CACNA1E: variants seen among roughly 807,000 people sequenced by gnomAD.
The protein encoded by CACNA1E is calcium voltage-gated channel subunit alpha1 E.
Under a neutral mutation model 259.2 loss-of-function variants are expected in CACNA1E, and 40 were observed. The ratio of observed to expected loss-of-function variants is 0.15; its 90% CI spans 0.12 to 0.20. The LOEUF (loss-of-function observed/expected upper bound fraction) is 0.20. Ranked by LOEUF, CACNA1E falls within the 10% of genes least tolerant of loss-of-function variation. The pLI, the probability that CACNA1E is intolerant of heterozygous loss-of-function variation, is 1.00. For missense variants in CACNA1E, 1,874 were observed against 3,040.1 expected, an observed-to-expected ratio of 0.62 and a Z score of 9.02; for synonymous variants, 1,104 against 1,138.5, an observed-to-expected ratio of 0.97 and a Z score of 0.61.
intron 6 of CACNA1E, among the ~76,000 whole-genome samples, chr1:181,621,189 G>A (rs2103167512): frequency 6.6e-6 from 1 of 152,352 alleles, no homozygotes; most frequent in Middle Eastern, 3.4e-3. Flanking sequence ...GTGAGGCCTT[G>A]AATGTCAAAC....
At chr1:181,597,789 T>C (rs1293402921) in intron 6 of CACNA1E, among the ~76,000 whole-genome samples, 2 of 152,216 alleles carry the variant, frequency 1.3e-5, no homozygotes, top group Non-Finnish European at 2.9e-5. Flanking sequence ...TTTATGCAGA[T>C]GGCAGCAGGC....
intron 3 of CACNA1E, among the ~76,000 whole-genome samples, chr1:181,559,819 A>G (rs1427967278): frequency 6.6e-6 from 1 of 152,136 alleles, no homozygotes; most frequent in African/African-American, 2.4e-5. Flanking sequence ...GATGCAGGGA[A>G]GAGCTGTGTC....
At chr1:181,762,688 G>A (rs1205053467) in intron 33 of CACNA1E, 31 bp downstream of exon 33, 1 of 1,374,850 alleles carries the variant, frequency 7.3e-7, no homozygotes, top group East Asian at 2.3e-5. Context: ...ATGTCTGTAA[G>A]CTTGGCCCTG....
At chr1:181,541,586 T>C (rs1668586421) in intron 3 of CACNA1E, among the ~76,000 whole-genome samples, 2 of 152,210 alleles carry the variant, frequency 1.3e-5, no homozygotes, top group South Asian at 4.1e-4. Context: ...TCCAGTCCTA[T>C]GTTCTGAAAG....
At chr1:181,472,718 C>T (rs1430734300) in intron 2 of CACNA1E, among the ~76,000 whole-genome samples, 4 of 152,148 alleles carry the variant, frequency 2.6e-5, no homozygotes, top group African/African-American at 4.8e-5. Context: ...TAGATGCACG[C>T]GTGCGTGTGT....
intron 1 of CACNA1E, among the ~76,000 whole-genome samples, chr1:181,502,028 A>G (rs972578895): frequency 6.6e-6 from 1 of 152,176 alleles, no homozygotes; most frequent in Non-Finnish European, 1.5e-5. Context: ...AGTATGGAGT[A>G]GGCAGAGCCT....
At chr1:181,424,921 T>C (rs760896816) in intron 2 of CACNA1E, among the ~76,000 whole-genome samples, 5 of 152,130 alleles carry the variant, frequency 3.3e-5, no homozygotes, top group Non-Finnish European at 7.4e-5. Context: ...GCCCTTGCGC[T>C]GGGCTGCCTC....
chr1:181,341,568 C>A (rs1320524814), intron 1 of CACNA1E, among the ~76,000 whole-genome samples: 5 of 152,210 alleles, frequency 3.3e-5, no homozygotes, highest in Non-Finnish European at 4.4e-5. Flanking sequence ...TGGGCTTCAG[C>A]TCAACCAGCC....
intron 1 of CACNA1E, among the ~76,000 whole-genome samples, chr1:181,386,947 G>C (rs1655899041): frequency 6.6e-6 from 1 of 152,172 alleles, no homozygotes; most frequent in Non-Finnish European, 1.5e-5. Context: ...CTCATCGCAG[G>C]CCACATGGCC....
At chr1:181,513,805 G>A (rs1416212201) in intron 3 of CACNA1E, among the ~76,000 whole-genome samples, 2 of 152,228 alleles carry the variant, frequency 1.3e-5, no homozygotes, top group Non-Finnish European at 2.9e-5. Context: ...GTGTTCAAGA[G>A]TCAGTGCAGG....
intron 2 of CACNA1E, among the ~76,000 whole-genome samples, chr1:181,444,298 G>A (rs1380494882): frequency 6.6e-6 from 1 of 150,924 alleles, no homozygotes; most frequent in Non-Finnish European, 1.5e-5. Flanking sequence ...CAGAGTAGGT[G>A]TCCTCCAAGG....
chr1:181,658,448 C>T (rs772278903), intron 7 of CACNA1E, among the ~76,000 whole-genome samples: 1 of 152,242 alleles, frequency 6.6e-6, no homozygotes, highest in Non-Finnish European at 1.5e-5. Context: ...GCTTCCTCCT[C>T]TGTAAAATGG....
intron 1 of CACNA1E, among the ~76,000 whole-genome samples, chr1:181,362,739 G>A (rs983690299): frequency 1.3e-5 from 2 of 152,210 alleles, no homozygotes; most frequent in African/African-American, 4.8e-5. Flanking sequence ...GAAATATGAT[G>A]GGAATAAGAC....
Position 181,388,659 on chromosome 1 carries a change from C to T in CACNA1E, c.-14-24474C>T, listed in dbSNP as rs138516746. Reference sequence around the variant, plus strand: ...ATCCCAGAACTTTGGGAGGTTGAGGCGGGTGGATCACCTGAGGTCGGGAGT... The same window carrying T: ...ATCCCAGAACTTTGGGAGGTTGAGGTGGGTGGATCACCTGAGGTCGGGAGT... On this transcript the variant is annotated intron_variant, in intron 1 of 11. Transcript: ENST00000524607. Among the ~76,000 whole-genome samples the T allele has an allele frequency of 2.7e-3, 417 of 152,192 alleles. 1 individual carries two copies. Among genetic ancestry groups the T allele is most frequent in the African/African-American group, 9.4e-3 (392 of 41,524 alleles).
At chr1:181,628,766 A>G (rs1656430326) in intron 6 of CACNA1E, among the ~76,000 whole-genome samples, 1 of 152,116 alleles carries the variant, frequency 6.6e-6, no homozygotes, top group Admixed American at 6.5e-5. Context: ...GCTTTTTGTA[A>G]ATGGAATCCT....
chr1:181,373,214 A>G (rs527636071), intron 1 of CACNA1E, among the ~76,000 whole-genome samples: 1 of 152,304 alleles, frequency 6.6e-6, no homozygotes, highest in African/African-American at 2.4e-5. Context: ...GATTGGTACC[A>G]GCTCCTTCAT....
intron 12 of CACNA1E, among the ~76,000 whole-genome samples, chr1:181,718,693 G>A (rs1245551777): frequency 2.0e-5 from 3 of 148,014 alleles, no homozygotes; most frequent in African/African-American, 7.5e-5. Flanking sequence ...TCCTCACAGA[G>A]AATATCTCAG....
In CACNA1E at chr1:181,619,740, A is replaced by G. The variant is rs13374599; in HGVS notation, c.952-31598A>G. On this transcript the variant is annotated intron_variant, in intron 6 of 47. Transcript: ENST00000367573. ...TTTTGAAGGAAGGAAAGGCTGATGG[A>G]TTTATTGATGAACCTGACATGGGAT... Among the ~76,000 whole-genome samples the G allele has an allele frequency of 9.7e-3, 1,481 of 152,248 alleles. 21 individuals are homozygous for G. Among genetic ancestry groups the G allele is most frequent in the African/African-American group, 0.032 (1,346 of 41,546 alleles).
intron 1 of CACNA1E, among the ~76,000 whole-genome samples, chr1:181,410,226 C>T (rs1657747964): frequency 1.3e-5 from 2 of 152,156 alleles, no homozygotes; most frequent in Admixed American, 1.3e-4. Flanking sequence ...GACAGAATGA[C>T]AACGTGAGGA....
Sources: allele counts gnomAD v4.1 joint callset (sites outside exome capture counted in the v4.1 genomes callset), GRCh38; gene constraint gnomAD v4.1.1; transcripts MANE v1.5; gene names NCBI Gene and HGNC (gene_info 2026-07-23, HGNC 2026-07-21).